Variants in MYCBPAP observed in about 807,000 individuals in gnomAD.
MYCBPAP encodes the protein MYCBP associated protein, also known as MYCBP-associated protein.
Under a neutral mutation model 106.1 loss-of-function variants are expected in MYCBPAP, and 60 were observed. The ratio of observed to expected loss-of-function variants is 0.57; its 90% CI spans 0.46 to 0.70. The LOEUF is 0.70. MYCBPAP is among the 30% of genes least tolerant of loss of function. The pLI is 0.00. For missense variants in MYCBPAP, 1,064 were observed against 1,169.3 expected (o/e 0.91, Z 1.31); for synonymous variants, 407 against 440.6 (o/e 0.92, Z 0.95).
rs750123696 is a variant in MYCBPAP at position 50,518,977 on chromosome 17, A to T, written c.656A>T (p.His219Leu). The change falls in exon 6 of 19, where the codon CAC becomes CTC. Residue 219 changes from histidine to leucine, a missense_variant. Physicochemically the swap from His to Leu is moderately conservative, Grantham distance 99. Coordinates refer to ENST00000323776, the MANE Select transcript of MYCBPAP (RefSeq NM_032133.6). ...RKKQQEALSE[H>L]LKKPVSELLM... ...GCAATCTTGCCTCTCTCTCTAGAAC[A>T]CCTAAAGAAGCCAGTGAGTGAGCTG... 6.2e-7 allele frequency: 1 copy of T among 1,613,294 alleles called. No homozygotes were observed. The highest frequency in any genetic ancestry group is 2.2e-5 in the East Asian group (1 of 44,882).
intron 1 of MYCBPAP, among the ~76,000 whole-genome samples, 194 bp from the exon 2 acceptor site, chr17:50,516,376 C>G (rs959136167): frequency 6.6e-6 from 1 of 152,180 alleles, no homozygotes; most frequent in African/African-American, 2.4e-5. Context: ...GGGGGACCCT[C>G]CAGAGAGAAC....
In MYCBPAP at chr17:50,521,132, T is replaced by C; in HGVS notation, c.939T>C (p.Ala313=). 1 of 1,613,210 alleles carries C rather than the reference T, an allele frequency of 6.2e-7. No individual in the cohort carries two copies. Residue 313 remains alanine, a synonymous_variant, in exon 8 of 19, where the codon GCT becomes GCC. Transcript: ENST00000323776. ...TAGGATTACCAGCCCAGAGGGACGC[T>C]TCATACCGCTACACCTGGGATCGGA... The part of the protein sequence containing the change: ...VETGLPAQRD[A]SYRYTWDRSL...
At chr17:50,516,178 C>T (rs555893204) in intron 1 of MYCBPAP, 64 of 160,098 alleles carry the variant, frequency 4.0e-4, no homozygotes, top group African/African-American at 1.4e-3. Context: ...TTAGTAGGGA[C>T]GGGGTTTCAC....
At chr17:50,521,022 G>A in intron 7 of MYCBPAP, 88 bp from the exon 8 acceptor site, 2 of 1,016,298 alleles carry the variant, frequency 2.0e-6, no homozygotes, top group Non-Finnish European at 3.0e-6. Flanking sequence ...AATGGTGTTG[G>A]GATAGGCACT....
rs9897270 is a variant in MYCBPAP at position 50,510,501 on chromosome 17, A to C, written c.76+1751A>C. On this transcript the variant is annotated intron_variant, in intron 1 of 18. Transcript: ENST00000323776. ...TGTGTGTGTGTGTGTGTGTGTGTGT[A>C]TATATATATATATATATATATATAT... is the stretch of plus-strand genomic sequence containing the variant. 54 of 83,188 alleles carry C rather than the reference A, an allele frequency of 6.5e-4. 1 individual carries two copies. The highest frequency in any genetic ancestry group is 2.9e-3 in the African/African-American group (53 of 18,018). 5.2% of individuals were successfully genotyped at this position (83,188 alleles called of 1,614,324 possible).
intron 1 of MYCBPAP, among the ~76,000 whole-genome samples, chr17:50,513,729 A>G (rs1597822282): frequency 6.6e-6 from 1 of 152,248 alleles, no homozygotes. Context: ...TTATGGATAA[A>G]GGAAGCAAAT....
At chr17:50,516,058 C>T (rs2143921109) in intron 1 of MYCBPAP, 1 of 154,186 alleles carries the variant, frequency 6.5e-6, no homozygotes, top group East Asian at 1.9e-4. Context: ...CACACGATCT[C>T]AGCTCACTGC....
At chr17:50,519,532 C>G (rs1195594833) in intron 6 of MYCBPAP, 108 bp from the exon 7 acceptor site, 10 of 1,325,674 alleles carry the variant, frequency 7.5e-6, no homozygotes, top group East Asian at 4.7e-5. Context: ...AATGAATTCC[C>G]CAGAGGAAGC....
chr17:50,508,603 G>C lies in MYCBPAP; in HGVS notation c.-72G>C. 6.4e-7 allele frequency: 1 copy of C among 1,555,716 alleles called. No homozygotes were observed. Among genetic ancestry groups the C allele is most frequent in the Non-Finnish European group, 8.7e-7 (1 of 1,149,138 alleles). ...TGGACGCAGTGGCGGCCGTTGGCTG[G>C]CGGGTGCGGCGCAGCCTCGGTGTCT... On this transcript the variant is annotated 5_prime_UTR_variant, in exon 1 of 19. Coordinates refer to ENST00000323776, the MANE Select transcript of MYCBPAP (RefSeq NM_032133.6).
chr17:50,530,486 A>C (rs2034598064), intron 18 of MYCBPAP, among the ~76,000 whole-genome samples: 1 of 150,434 alleles, frequency 6.6e-6, no homozygotes. Flanking sequence ...CAAGAGTGAG[A>C]CTCTTACCTC....
chr17:50,513,298 A>G (rs1213096783), intron 1 of MYCBPAP, among the ~76,000 whole-genome samples: 2 of 151,530 alleles, frequency 1.3e-5, no homozygotes, highest in Non-Finnish European at 2.9e-5. Flanking sequence ...GAGGCAGGAG[A>G]ATCACTTGAG....
rs1393690869 is a variant in MYCBPAP at position 50,517,301 on chromosome 17, T to C, written c.213T>C (p.Ile71=). The C allele has an allele frequency of 6.2e-7, 1 of 1,614,082 alleles. No homozygotes were observed. Among genetic ancestry groups the C allele is most frequent in the Non-Finnish European group, 8.5e-7 (1 of 1,180,006 alleles). The part of the protein sequence containing the change: ...IKKEDLKEQH[I]PRLTEKEDKR... ...GTTTTATTTCTTTTTAGCAACACAT[T>C]CCTCGCCTTACTGAAAAGGAAGATA... is the stretch of plus-strand genomic sequence containing the variant. Residue 71 remains isoleucine, a synonymous_variant, in exon 3 of 19, where the codon ATT becomes ATC. Transcript: ENST00000323776.
chr17:50,531,475 C>A lies in MYCBPAP; in HGVS notation c.*47C>A. The A allele has an allele frequency of 3.5e-6, 5 of 1,418,530 alleles. No homozygotes were observed. Among genetic ancestry groups the A allele is most frequent in the South Asian group, 1.3e-5 (1 of 78,966 alleles). The allele number at this position is 1,418,530 out of a possible 1,614,324, so 87.9% of individuals were successfully genotyped here. A position where few individuals can be genotyped will look rare whatever the true frequency, so the allele number is the denominator to read the frequency against. ...CTGGAAAACGGGTTAATAAATAAATCAATAAAGAACCTTCAAGTTTCTACT... is the reference window on the plus strand; with the variant it reads ...CTGGAAAACGGGTTAATAAATAAATAAATAAAGAACCTTCAAGTTTCTACT... On this transcript the variant is annotated 3_prime_UTR_variant, in exon 19 of 19. Coordinates refer to ENST00000323776, the MANE Select transcript of MYCBPAP (RefSeq NM_032133.6).
intron 6 of MYCBPAP, 49 bp downstream of exon 6, chr17:50,519,138 A>AGG (rs556069215): frequency 4.1e-5 from 19 of 467,842 alleles, no homozygotes; most frequent in South Asian, 3.5e-4. Context: ...TCCATGGAGG[A>AGG]GGGGGCGGGG....
rs1241029702 is a variant in MYCBPAP, at chr17:50,523,115, T to C, written c.1434T>C (p.Phe478=). 1.2e-6 allele frequency: 2 copies of C among 1,613,540 alleles called. No individual in the cohort carries two copies. The highest frequency in any genetic ancestry group is 1.7e-6 in the Non-Finnish European group (2 of 1,179,664). The change falls in exon 11 of 19, where the codon TTT becomes TTC. Residue 478 remains phenylalanine (F), a synonymous_variant. Coordinates refer to ENST00000323776, the MANE Select transcript of MYCBPAP (RefSeq NM_032133.6). ...LKKNRMQRFY[F]DNREGVILPG... ...AAAACAGGATGCAGCGATTTTACTT[T>C]GACAACCGGGAAGGTACTCGGGAGA...
intron 1 of MYCBPAP, among the ~76,000 whole-genome samples, chr17:50,515,437 C>T (rs7207158): frequency 0.44 from 67,450 of 152,136 alleles, 17,500 homozygotes; most frequent in African/African-American, 0.72. Context: ...GTGGTGAATG[C>T]TCTGCTTCCC....
chr17:50,525,463 T>C (rs1435935061), intron 13 of MYCBPAP, among the ~76,000 whole-genome samples: 2 of 152,184 alleles, frequency 1.3e-5, no homozygotes, highest in African/African-American at 4.8e-5. Context: ...ACAGCAGTCC[T>C]ATGAGATGGG....
chr17:50,514,472 G>T (rs918419441), intron 1 of MYCBPAP, among the ~76,000 whole-genome samples: 4 of 152,158 alleles, frequency 2.6e-5, no homozygotes, highest in African/African-American at 9.7e-5. Flanking sequence ...AAAATGACAG[G>T]GTTGACCAGC....
At chr17:50,526,935 G>A (rs2034482763) in intron 14 of MYCBPAP, among the ~76,000 whole-genome samples, 2 of 152,108 alleles carry the variant, frequency 1.3e-5, no homozygotes, top group East Asian at 1.9e-4. Flanking sequence ...AGCTGGTCTC[G>A]AACACCTGAC....
Sources: gnomAD v4.1 joint callset for allele counts (sites outside exome capture counted in the v4.1 genomes callset) on GRCh38, gnomAD v4.1.1 for gene constraint, MANE v1.5 for transcripts, NCBI Gene and HGNC (gene_info 2026-07-23, HGNC 2026-07-21) for gene names.